Variants in CDADC1 observed in about 807,000 individuals in gnomAD.
CDADC1 encodes cytidine and dCMP deaminase domain containing 1.
Under a neutral mutation model 54.9 loss-of-function variants are expected in CDADC1, and 39 were observed. The ratio of observed to expected loss-of-function variants is 0.71; its 90% CI spans 0.55 to 0.93. The LOEUF (loss-of-function observed/expected upper bound fraction) is 0.93, where lower values mean the gene tolerates loss of function less well. CDADC1 is among the 40% of genes least tolerant of loss of function. CDADC1 has a pLI of 0.00. For missense variants in CDADC1, 518 were observed against 618.8 expected, an observed-to-expected ratio of 0.84 and a Z score of 1.73; for synonymous variants, 186 against 204.0, an observed-to-expected ratio of 0.91 and a Z score of 0.75.
At position 49,273,408 on chromosome 13, in the gene CDADC1, G is replaced by C. The variant is rs150546604; in HGVS notation, c.1001-883G>C. On this transcript the variant is annotated intron_variant, in intron 5 of 9. Coordinates refer to ENST00000251108, the MANE Select transcript of CDADC1 (RefSeq NM_030911.4). Reference sequence around the variant, plus strand: ...TTATTAAGATTTTGATAAATACTATGGTTTTCATAATTAGTGTAATTTGTC... The same window carrying C: ...TTATTAAGATTTTGATAAATACTATCGTTTTCATAATTAGTGTAATTTGTC... 2.4e-3 allele frequency among the ~76,000 whole-genome samples: 370 copies of C among 152,146 alleles called. 3 individuals carry two copies. The highest frequency in any genetic ancestry group is 8.4e-3 in the African/African-American group (350 of 41,502).
chr13:49,279,871 CT>C (rs1953266694), intron 7 of CDADC1, among the ~76,000 whole-genome samples: 1 of 152,182 alleles, frequency 6.6e-6, no homozygotes, highest in Non-Finnish European at 1.5e-5. Flanking sequence ...TCCCTCTATT[CT>C]TTTCCTTGTC....
Position 49,256,100 on chromosome 13 carries a change from A to C in CDADC1, c.252+187A>C, listed in dbSNP as rs1362394757. Among the ~76,000 whole-genome samples, 5 of 150,300 alleles carry C rather than the reference A, an allele frequency of 3.3e-5. No homozygotes were observed. In the East Asian group the frequency reaches 9.7e-4, roughly 29 times the overall value. ...TTTTAAAAAAAAAAGTACAGATGGG[A>C]TTATTCTATGCTACATCCTACATCT... On this transcript the variant is annotated intron_variant, in intron 3 of 9. Transcript: ENST00000251108.
chr13:49,288,931 G>A (rs193110676), intron 9 of CDADC1, among the ~76,000 whole-genome samples: 5 of 152,140 alleles, frequency 3.3e-5, no homozygotes, highest in Admixed American at 6.5e-5. Context: ...AATAGTAAGC[G>A]AACACAATAG....
chr13:49,273,854 T>C (rs1953032256), intron 5 of CDADC1, among the ~76,000 whole-genome samples: 1 of 152,372 alleles, frequency 6.6e-6, no homozygotes, highest in African/African-American at 2.4e-5. Context: ...TAAATAATGC[T>C]GGGAAAAGAC....
chr13:49,291,344 A>T (rs73186832), intron 9 of CDADC1, among the ~76,000 whole-genome samples: 3,552 of 150,012 alleles, frequency 0.024, 143 homozygotes, highest in African/African-American at 0.079. Context: ...AAAAAAAAAA[A>T]TTTTTTTTGT....
At position 49,267,669 on chromosome 13, in the gene CDADC1, G is replaced by GAAC; in HGVS notation, c.611_612insACA (p.Glu204_Glu205insGln). ...GGTGTGTTATATGGTGCAGTTTGTA[G>GAAC]AGGAGACCTCTTACAAATGTGACTT... On this transcript the variant is annotated inframe_insertion, in exon 5 of 10. Transcript: ENST00000251108. 1 of 1,614,002 alleles carries GAAC rather than the reference G, an allele frequency of 6.2e-7. No individual in the cohort carries two copies. Among genetic ancestry groups the GAAC allele is most frequent in the Non-Finnish European group, 8.5e-7 (1 of 1,179,970 alleles).
At chr13:49,262,364 G>A (rs1952706418) in intron 4 of CDADC1, among the ~76,000 whole-genome samples, 1 of 151,968 alleles carries the variant, frequency 6.6e-6, no homozygotes, top group African/African-American at 2.4e-5. Flanking sequence ...GACCACTGGA[G>A]CCTAGGATGC....
intron 6 of CDADC1, 28 bp downstream of exon 6, chr13:49,274,368 T>G: frequency 6.3e-7 from 1 of 1,581,280 alleles, no homozygotes; most frequent in Non-Finnish European, 8.7e-7. Context: ...TCTTTAAATA[T>G]TTAACCTGGA....
At chr13:49,288,056 A>T (rs1953574448) in intron 9 of CDADC1, among the ~76,000 whole-genome samples, 1 of 152,192 alleles carries the variant, frequency 6.6e-6, no homozygotes, top group South Asian at 2.1e-4. Flanking sequence ...CTTATAATCA[A>T]CAAAGGGCTT....
intron 8 of CDADC1, among the ~76,000 whole-genome samples, chr13:49,281,502 TC>T (rs1953334132): frequency 6.6e-6 from 1 of 152,148 alleles, no homozygotes; most frequent in Non-Finnish European, 1.5e-5. Context: ...GCAGCCTAGA[TC>T]CCTCAGGTGT....
At chr13:49,290,744 G>A (rs1335319155) in intron 9 of CDADC1, among the ~76,000 whole-genome samples, 1 of 152,166 alleles carries the variant, frequency 6.6e-6, no homozygotes. Context: ...ATCATTTTGG[G>A]AGGCTGAGGT....
At chr13:49,259,324 G>T in intron 3 of CDADC1, 22 bp from the exon 4 acceptor site, 1 of 1,533,440 alleles carries the variant, frequency 6.5e-7, no homozygotes, top group Non-Finnish European at 8.9e-7. Context: ...CTAATAAGTT[G>T]TTATTTTATA....
chr13:49,290,303 C>A (rs1384045239), intron 9 of CDADC1, among the ~76,000 whole-genome samples: 3 of 151,808 alleles, frequency 2.0e-5, no homozygotes, highest in Non-Finnish European at 1.5e-5. Flanking sequence ...CAGTTTTAAA[C>A]AAACTGTAAC....
chr13:49,286,541 T>C (rs1471869195), intron 9 of CDADC1, among the ~76,000 whole-genome samples: 1 of 152,308 alleles, frequency 6.6e-6, no homozygotes, highest in African/African-American at 2.4e-5. Flanking sequence ...CTTTATAAAT[T>C]AAATGCATAT....
chr13:49,261,902 G>A (rs1952695080), intron 4 of CDADC1, among the ~76,000 whole-genome samples: 1 of 152,184 alleles, frequency 6.6e-6, no homozygotes, highest in Non-Finnish European at 1.5e-5. Context: ...AGGACCTACA[G>A]TGGAAATGCT....
chr13:49,249,774 G>C (rs1239336596), intron 2 of CDADC1, among the ~76,000 whole-genome samples: 1 of 152,044 alleles, frequency 6.6e-6, no homozygotes, highest in Non-Finnish European at 1.5e-5. Context: ...AATCATAAAA[G>C]CCAATATATT....
At chr13:49,255,403 G>A (rs1411854512) in intron 2 of CDADC1, among the ~76,000 whole-genome samples, 1 of 152,190 alleles carries the variant, frequency 6.6e-6, no homozygotes, top group Non-Finnish European at 1.5e-5. Context: ...ACTGGGACAA[G>A]GAAATCTCTG....
intron 2 of CDADC1, among the ~76,000 whole-genome samples, chr13:49,255,039 T>C (rs1422855146): frequency 6.6e-6 from 1 of 152,182 alleles, no homozygotes; most frequent in African/African-American, 2.4e-5. Context: ...AGGTAAGAGG[T>C]CTGAAATGAG....
intron 3 of CDADC1, among the ~76,000 whole-genome samples, chr13:49,256,524 C>G (rs1436694454): frequency 6.6e-6 from 1 of 152,246 alleles, no homozygotes; most frequent in Non-Finnish European, 1.5e-5. Context: ...TTCATTGTTT[C>G]TAACCCAGAA....
Sources: allele counts gnomAD v4.1 joint callset (sites outside exome capture counted in the v4.1 genomes callset), GRCh38; gene constraint gnomAD v4.1.1; transcripts MANE v1.5; gene names NCBI Gene and HGNC (gene_info 2026-07-23, HGNC 2026-07-21).